PLD1: variants seen among roughly 807,000 people sequenced by gnomAD.
PLD1 encodes the protein phospholipase D1.
Under a neutral mutation model 137.1 loss-of-function variants are expected in PLD1, and 112 were observed. That is an observed-to-expected ratio of 0.82 (90% CI 0.70 to 0.96). PLD1 has a LOEUF of 0.96. PLD1 is among the 40% of genes least tolerant of loss of function. PLD1 has a pLI of 0.00. For synonymous variants in PLD1, 431 were observed against 454.7 expected, an observed-to-expected ratio of 0.95 and a Z score of 0.66; for missense variants, 1,321 against 1,342.0, an observed-to-expected ratio of 0.98 and a Z score of 0.24.
At chr3:171,643,025 A>G (rs2108374795) in intron 22 of PLD1, 136 bp from the exon 23 acceptor site, 1 of 599,498 alleles carries the variant, frequency 1.7e-6, no homozygotes, top group Admixed American at 3.6e-5. Flanking sequence ...TATATATCTA[A>G]ATGCTAAAAA....
chr3:171,651,097 G>A (rs888415745), intron 21 of PLD1, among the ~76,000 whole-genome samples: 2 of 152,102 alleles, frequency 1.3e-5, no homozygotes, highest in African/African-American at 4.8e-5. Context: ...GGACAGTTAG[G>A]AGAAGCTTGA....
At chr3:171,779,308 C>G (rs1470279793) in intron 1 of PLD1, among the ~76,000 whole-genome samples, 2 of 152,052 alleles carry the variant, frequency 1.3e-5, no homozygotes, top group Non-Finnish European at 2.9e-5. Flanking sequence ...GATCTAGGAT[C>G]TACTGTGAAG....
At chr3:171,642,350 G>A (rs111515523) in intron 23 of PLD1, among the ~76,000 whole-genome samples, 20 of 151,282 alleles carry the variant, frequency 1.3e-4, no homozygotes, top group Middle Eastern at 3.4e-3. Context: ...CCAGCTACTC[G>A]GGAGGCTGAG....
At chr3:171,781,640 CCATGTTAATATT>C (rs1179221507) in intron 1 of PLD1, among the ~76,000 whole-genome samples, 1 of 152,148 alleles carries the variant, frequency 6.6e-6, no homozygotes, top group Non-Finnish European at 1.5e-5. Flanking sequence ...AAAAAGTGCT[CCATGTTAATATT>C]CACCAGGGAA....
chr3:171,682,035 A>G (rs1264013750), intron 16 of PLD1, among the ~76,000 whole-genome samples: 7 of 152,094 alleles, frequency 4.6e-5, no homozygotes, highest in African/African-American at 1.7e-4. Flanking sequence ...CCACTGTGGC[A>G]CTTGTATACC....
chr3:171,626,026 A>G (rs1429962414), intron 23 of PLD1, among the ~76,000 whole-genome samples: 2 of 152,256 alleles, frequency 1.3e-5, no homozygotes, highest in East Asian at 1.9e-4. Flanking sequence ...AGTTGAGAGA[A>G]GAAGACTTCA....
intron 1 of PLD1, among the ~76,000 whole-genome samples, chr3:171,746,626 T>C (rs1337630503): frequency 2.0e-5 from 3 of 152,092 alleles, no homozygotes; most frequent in Admixed American, 1.3e-4. Flanking sequence ...CTAGCTAATC[T>C]AGTGGGGACT....
Position 171,688,865 on chromosome 3 carries a change from G to T in PLD1, c.1350C>A (p.His450Gln), listed in dbSNP as rs773020634. The T allele has an allele frequency of 1.9e-6, 3 of 1,613,442 alleles. No individual in the cohort carries two copies. In the East Asian group the frequency reaches 6.7e-5, roughly 36 times the overall value. Residue 450 changes from histidine to glutamine, a missense_variant, in exon 14 of 27, where the codon CAC (histidine) becomes CAA (glutamine). Coordinates refer to ENST00000351298, the MANE Select transcript of PLD1 (RefSeq NM_002662.5). ...RLHPNIKVMR[H>Q]PDHVSSTVYL... ...AGACGGTGGATGACACATGATCCGG[G>T]TGTCTCATCACCTTGAGAGGGAATA... is the stretch of plus-strand genomic sequence containing the variant.
intron 1 of PLD1, among the ~76,000 whole-genome samples, chr3:171,778,938 A>C (rs1000479678): frequency 2.6e-5 from 4 of 152,248 alleles, no homozygotes; most frequent in Non-Finnish European, 5.9e-5. Context: ...CTGTAATCCC[A>C]GCACTTTGGG....
intron 1 of PLD1, among the ~76,000 whole-genome samples, chr3:171,772,816 T>C (rs530514440): frequency 6.6e-6 from 1 of 152,326 alleles, no homozygotes; most frequent in African/African-American, 2.4e-5. Context: ...AGTGATATAT[T>C]TCTAGAGGAT....
At chr3:171,770,428 C>T (rs980471136) in intron 1 of PLD1, among the ~76,000 whole-genome samples, 2 of 152,170 alleles carry the variant, frequency 1.3e-5, no homozygotes, top group Non-Finnish European at 2.9e-5. Context: ...GAAGAAAAAC[C>T]GTGCATCAGA....
intron 20 of PLD1, 52 bp downstream of exon 20, chr3:171,662,008 G>T: frequency 3.0e-6 from 3 of 987,408 alleles, no homozygotes; most frequent in Middle Eastern, 2.1e-4. Flanking sequence ...ATCTCTGCAT[G>T]ATATTTAAGG....
At chr3:171,650,973 C>T (rs568619933) in intron 21 of PLD1, among the ~76,000 whole-genome samples, 2 of 152,174 alleles carry the variant, frequency 1.3e-5, no homozygotes, top group South Asian at 2.1e-4. Flanking sequence ...AAGCAGAGTA[C>T]GAATGTACCA....
intron 25 of PLD1, chr3:171,611,781 C>A (rs1184307744): frequency 5.3e-6 from 2 of 380,696 alleles, no homozygotes. Flanking sequence ...CTGGTCTAGT[C>A]CTAATTCAGT....
intron 1 of PLD1, among the ~76,000 whole-genome samples, chr3:171,773,974 T>G (rs868852573): frequency 1.3e-5 from 2 of 152,106 alleles, no homozygotes; most frequent in Non-Finnish European, 2.9e-5. Flanking sequence ...GGTCTCGATC[T>G]CCTGACCTCA....
chr3:171,765,001 AG>A (rs1340833293), intron 1 of PLD1: 1 of 144,990 alleles, frequency 6.9e-6, no homozygotes, highest in Admixed American at 6.9e-5. Context: ...AAAGAAAGAA[AG>A]AAAGAGAAAA....
chr3:171,696,326 T>C (rs552046841), intron 12 of PLD1, among the ~76,000 whole-genome samples: 2 of 152,348 alleles, frequency 1.3e-5, no homozygotes, highest in African/African-American at 2.4e-5. Flanking sequence ...ACAGTCTGCC[T>C]CTGAAGATTG....
intron 1 of PLD1, among the ~76,000 whole-genome samples, chr3:171,764,070 CA>C (rs1475376499): frequency 2.0e-5 from 3 of 152,098 alleles, no homozygotes; most frequent in African/African-American, 7.2e-5. Context: ...CTCCTGGCCT[CA>C]AGCAATCCTC....
intron 1 of PLD1, among the ~76,000 whole-genome samples, chr3:171,764,886 A>AGG (rs1397521909): frequency 1.1e-4 from 3 of 26,836 alleles, no homozygotes; most frequent in Non-Finnish European, 2.3e-4. Context: ...AAAGAAAGAA[A>AGG]GAAAGAAAGG....
Sources: gnomAD v4.1 joint callset for allele counts (sites outside exome capture counted in the v4.1 genomes callset) on GRCh38, gnomAD v4.1.1 for gene constraint, MANE v1.5 for transcripts, NCBI Gene and HGNC (gene_info 2026-07-23, HGNC 2026-07-21) for gene names.